The following PCDHA7 variants were observed in gnomAD, a reference collection of about 807,000 sequenced individuals.
PCDHA7 encodes the protein protocadherin alpha-7.
PCDHA7 carries 37 observed loss-of-function variants against 57.2 expected under a neutral mutation model. The observed-to-expected ratio is 0.65, with a 90% CI of 0.50 to 0.85. PCDHA7 has a LOEUF of 0.85. PCDHA7 is among the 40% of genes least tolerant of loss of function. The pLI is 0.00. For missense variants in PCDHA7, 1,188 were observed against 1,241.8 expected (o/e 0.96, Z 0.65); for synonymous variants, 553 against 558.8 (o/e 0.99, Z 0.15).
intron 1 of PCDHA7, chr5:140,857,885 G>A: frequency 6.3e-7 from 1 of 1,597,988 alleles, no homozygotes; most frequent in Non-Finnish European, 8.6e-7. Context: ...ATTGCAGTCG[G>A]CGGCGGTTGG....
At chr5:140,841,207 T>A in intron 1 of PCDHA7, 1 of 1,357,192 alleles carries the variant, frequency 7.4e-7, no homozygotes, top group Non-Finnish European at 1.0e-6. Context: ...ACAGCATCTG[T>A]CTCTAAAGGC....
In PCDHA7 at chr5:140,952,512, CATCT is replaced by C. The variant is rs2094757607; in HGVS notation, c.2356-26436_2356-26433del. ...CAGTCCTCAGTAAGTTCCTCATCTC[CATCT>C]GAGACCTCCTCAGACTGGACTTCTT... On this transcript the variant is annotated intron_variant, in intron 1 of 3. Coordinates refer to ENST00000525929, the MANE Select transcript of PCDHA7 (RefSeq NM_018910.3). 2.0e-5 allele frequency among the ~76,000 whole-genome samples: 3 copies of C among 152,242 alleles called. No individual in the cohort carries two copies. The South Asian group carries it at 6.2e-4, about 32-fold the overall frequency.
At chr5:140,989,644 T>C (rs1284720942) in intron 3 of PCDHA7, among the ~76,000 whole-genome samples, 3 of 152,232 alleles carry the variant, frequency 2.0e-5, no homozygotes, top group Non-Finnish European at 4.4e-5. Flanking sequence ...GGGTCTTTCA[T>C]GGCAATATTT....
Position 140,850,919 on chromosome 5 carries a change from T to C in PCDHA7, c.2355+14181T>C, listed in dbSNP as rs2150502156. 62 of 1,527,062 alleles carry C rather than the reference T, an allele frequency of 4.1e-5. 7 individuals are homozygous for C. The highest frequency in any genetic ancestry group is 4.8e-5 in the Non-Finnish European group (55 of 1,135,558). The allele number at this position is 1,527,062 out of a possible 1,614,324, so 94.6% of individuals were successfully genotyped here. ...GTTTTTCTAGCATTTTATTTATTTA[T>C]ATAATTTTTTTTCTTGAAAGATATT... On this transcript the variant is annotated intron_variant, in intron 1 of 3. Coordinates refer to ENST00000525929, the MANE Select transcript of PCDHA7 (RefSeq NM_018910.3).
intron 1 of PCDHA7, chr5:140,969,617 A>G (rs2096348108): frequency 4.3e-6 from 3 of 705,552 alleles, no homozygotes; most frequent in Non-Finnish European, 6.8e-6. Context: ...ACAGATTTGT[A>G]GAGAAACAGG....
chr5:140,878,084 T>C (rs782330226), intron 1 of PCDHA7: 82 of 330,796 alleles, frequency 2.5e-4, no homozygotes, highest in Admixed American at 2.3e-4. Flanking sequence ...TATAATATTT[T>C]ATATGACTGA....
intron 3 of PCDHA7, among the ~76,000 whole-genome samples, chr5:141,005,129 C>T (rs1554259896): frequency 6.6e-6 from 1 of 152,180 alleles, no homozygotes; most frequent in African/African-American, 2.4e-5. Context: ...CCAAAAGTGC[C>T]TCATTGGAGA....
chr5:140,852,813 C>T, intron 1 of PCDHA7: 1 of 972,188 alleles, frequency 1.0e-6, no homozygotes, highest in Non-Finnish European at 1.2e-6. Context: ...TGTCTCCCGC[C>T]CTAAGTCCTC....
rs77308266 is a variant in PCDHA7 at position 140,916,313 on chromosome 5, A to C, written c.2356-62636A>C. On this transcript the variant is annotated intron_variant, in intron 1 of 3. Transcript: ENST00000525929. ...GCCAAACTGGTACCAAAGGTGCAAG[A>C]CAAAGTCCCCTTTACTTTTTCCTCT... Among the ~76,000 whole-genome samples the C allele has an allele frequency of 8.0e-3, 1,216 of 152,336 alleles. 6 individuals are homozygous for C. The highest frequency in any genetic ancestry group is 0.019 in the African/African-American group (784 of 41,584).
rs2150216867 is a variant in PCDHA7, at chr5:140,834,405, G to A, written c.22G>A (p.Asp8Asn). ...TGAAATGGTGTGCCCGAATGGATAC[G>A]ACCCAGGGGGCCGACATCTACTGCT... is the stretch of plus-strand genomic sequence containing the variant. MVCPNGY[D>N]PGGRHLLLFI... The change falls in exon 1 of 4, where the codon GAC becomes AAC. Residue 8 changes from aspartate (D) to asparagine (N), a missense_variant. Asp to Asn is a conservative substitution (Grantham distance 23). Around this residue, in one of 3 missense-constraint regions of PCDHA7, gnomAD observed 194 missense variants for 185.8 expected, o/e 1.04. Coordinates refer to ENST00000525929, the MANE Select transcript of PCDHA7 (RefSeq NM_018910.3). 3 of 1,607,688 alleles carry A rather than the reference G, an allele frequency of 1.9e-6. No homozygotes were observed. Among genetic ancestry groups the A allele is most frequent in the Admixed American group, 1.7e-5 (1 of 59,516 alleles).
intron 1 of PCDHA7, among the ~76,000 whole-genome samples, chr5:140,891,837 G>T (rs563744812): frequency 2.9e-4 from 44 of 152,264 alleles, no homozygotes; most frequent in Admixed American, 1.9e-3. Flanking sequence ...AAAAGGACTT[G>T]ATGGAAGGAG....
intron 1 of PCDHA7, chr5:140,883,292 G>C (rs1352359327): frequency 6.2e-7 from 1 of 1,613,946 alleles, no homozygotes; most frequent in Non-Finnish European, 8.5e-7. Flanking sequence ...GGAAGTACTA[G>C]ATGTAAATGA....
At chr5:140,845,107 C>T (rs1420580197) in intron 1 of PCDHA7, among the ~76,000 whole-genome samples, 2 of 149,448 alleles carry the variant, frequency 1.3e-5, no homozygotes, top group East Asian at 1.9e-4. Flanking sequence ...CTCTTAATGC[C>T]TGTCCATGTT....
intron 1 of PCDHA7, chr5:140,968,393 C>T (rs747934843): frequency 1.8e-5 from 29 of 1,613,976 alleles, no homozygotes; most frequent in East Asian, 2.2e-5. Context: ...TGAGAAGTTT[C>T]GGGAGTTCTT....
intron 2 of PCDHA7, among the ~76,000 whole-genome samples, chr5:140,981,776 A>T (rs908868836): frequency 2.4e-4 from 36 of 151,980 alleles, no homozygotes; most frequent in African/African-American, 8.0e-4. Context: ...TGAATACTGC[A>T]CCATGTTCTC....
At chr5:140,927,342 TGAC>T (rs1554204398) in intron 1 of PCDHA7, 1 of 1,614,160 alleles carries the variant, frequency 6.2e-7, no homozygotes, top group Non-Finnish European at 8.5e-7. Context: ...ATGCCCAAGA[TGAC>T]GACGAGGGAA....
At chr5:140,994,157 G>A (rs958405989) in intron 3 of PCDHA7, among the ~76,000 whole-genome samples, 1 of 152,198 alleles carries the variant, frequency 6.6e-6, no homozygotes, top group Non-Finnish European at 1.5e-5. Context: ...TAGGGTCAAC[G>A]AAGGGGAAGG....
chr5:140,928,876 C>T (rs1554206456), intron 1 of PCDHA7: 1 of 1,614,194 alleles, frequency 6.2e-7, no homozygotes, highest in Non-Finnish European at 8.5e-7. Context: ...CTCTGTCCCT[C>T]AGTTACTTCC....
At chr5:140,858,617 AC>A (rs2045522200) in intron 1 of PCDHA7, 1 of 1,181,008 alleles carries the variant, frequency 8.5e-7, no homozygotes. Context: ...TTTTTATCCT[AC>A]CCAGTGTGTC....
Sources: gnomAD v4.1 joint callset for allele counts (sites outside exome capture counted in the v4.1 genomes callset) on GRCh38, gnomAD v4.1.1 for gene constraint, gnomAD v4.1.1 regional missense constraint, MANE v1.5 for transcripts, NCBI Gene and HGNC (gene_info 2026-07-23, HGNC 2026-07-21) for gene names.